Variants in HSF2 observed in about 807,000 individuals in gnomAD.
HSF2 encodes the protein heat shock factor protein 2.
HSF2 carries 21 observed loss-of-function variants against 65.0 expected under a neutral mutation model. The observed-to-expected ratio is 0.32, with a 90% CI of 0.23 to 0.47. The LOEUF (loss-of-function observed/expected upper bound fraction) is 0.47. HSF2 is among the 20% of genes least tolerant of loss of function. The probability of loss-of-function intolerance (pLI) is 1.00; values close to 1 mark genes in which losing one functional copy is unlikely to be tolerated. For synonymous variants in HSF2, 225 were observed against 219.1 expected (o/e 1.03, Z -0.24); for missense variants, 499 against 628.1 (o/e 0.79, Z 2.20).
intron 9 of HSF2, among the ~76,000 whole-genome samples, chr6:122,423,176 T>C (rs1054757119): frequency 3.3e-5 from 5 of 152,150 alleles, no homozygotes; most frequent in African/African-American, 7.2e-5. Flanking sequence ...TTTGATGATA[T>C]ACTTCCTTTG....
At chr6:122,409,835 CA>C (rs1014065670) in intron 1 of HSF2, among the ~76,000 whole-genome samples, 9 of 151,806 alleles carry the variant, frequency 5.9e-5, no homozygotes, top group Admixed American at 2.0e-4. Context: ...GTCATGTCTC[CA>C]AAAGCTTGCT....
intron 1 of HSF2, among the ~76,000 whole-genome samples, chr6:122,400,053 G>A (rs1353215801): frequency 6.6e-6 from 1 of 152,112 alleles, no homozygotes; most frequent in Non-Finnish European, 1.5e-5. Flanking sequence ...CGGTGGGGGA[G>A]GGGCGGCCCG....
chr6:122,420,341 C>A, intron 7 of HSF2, 119 bp downstream of exon 7: 1 of 637,150 alleles, frequency 1.6e-6, no homozygotes, highest in Non-Finnish European at 2.5e-6. Context: ...CATCCCACAG[C>A]TTTGTTAAAT....
At chr6:122,414,893 A>AGGCAC (rs1774088159) in intron 4 of HSF2, among the ~76,000 whole-genome samples, 1 of 152,226 alleles carries the variant, frequency 6.6e-6, no homozygotes, top group South Asian at 2.1e-4. Flanking sequence ...CTGGAATTAC[A>AGGCAC]GGCACGAGCC....
In HSF2 at chr6:122,413,615, G is replaced by GA; in HGVS notation, c.424dup (p.Thr142AsnfsTer3). On this transcript the variant is annotated frameshift_variant, in exon 4 of 13. Coordinates refer to ENST00000368455, the MANE Select transcript of HSF2 (RefSeq NM_004506.4). LOFTEE classifies it high-confidence loss of function. ...TGCTCAGAAGGTTCAGATAAAACAG[G>GA]AAACTATTGAGTCCAGGCTTTCTGA... 1 of 1,606,050 alleles carries GA rather than the reference G, an allele frequency of 6.2e-7. No individual in the cohort carries two copies. Among genetic ancestry groups the GA allele is most frequent in the Non-Finnish European group, 8.5e-7 (1 of 1,173,460 alleles).
intron 1 of HSF2, among the ~76,000 whole-genome samples, chr6:122,405,391 T>C (rs1352252332): frequency 6.6e-6 from 1 of 152,070 alleles, no homozygotes; most frequent in East Asian, 1.9e-4. Context: ...AAGCCACAGG[T>C]ATTTTCAAGA....
chr6:122,420,851 A>G (rs1247001336), intron 7 of HSF2, among the ~76,000 whole-genome samples: 1 of 150,964 alleles, frequency 6.6e-6, no homozygotes, highest in African/African-American at 2.4e-5. Flanking sequence ...AGCTGGGACT[A>G]TAGGTGTGTG....
At chr6:122,421,835 T>A (rs529604507) in intron 7 of HSF2, among the ~76,000 whole-genome samples, 1 of 152,270 alleles carries the variant, frequency 6.6e-6, no homozygotes, top group East Asian at 1.9e-4. Flanking sequence ...AAGACTTTTT[T>A]ACTCTTTAGG....
Position 122,422,745 on chromosome 6 carries a change from C to T in HSF2, c.858C>T (p.Ile286=), listed in dbSNP as rs768585042. The change falls in exon 9 of 13, where the codon ATC becomes ATT. Residue 286 remains isoleucine, a synonymous_variant. Coordinates refer to ENST00000368455, the MANE Select transcript of HSF2 (RefSeq NM_004506.4). ...SNCSQYPDIV[I]VEDDNEDEYA... The stretch of plus-strand genomic sequence containing the variant: ...GTAGCCAGTACCCTGATATTGTCAT[C>T]GTTGAAGATGACAATGAAGATGAGT... The T allele has an allele frequency of 4.2e-5, 68 of 1,613,162 alleles. No individual in the cohort carries two copies. Among genetic ancestry groups the T allele is most frequent in the East Asian group, 1.8e-4 (8 of 44,882 alleles).
chr6:122,429,121 C>T (rs1009752601), intron 11 of HSF2, among the ~76,000 whole-genome samples: 9 of 151,960 alleles, frequency 5.9e-5, no homozygotes, highest in Non-Finnish European at 1.0e-4. Flanking sequence ...GCATATGGAC[C>T]ATAAGTTTAC....
intron 1 of HSF2, among the ~76,000 whole-genome samples, chr6:122,404,464 AAGAG>A (rs1302071213): frequency 1.3e-5 from 2 of 152,202 alleles, no homozygotes; most frequent in Non-Finnish European, 2.9e-5. Flanking sequence ...AAGACTCTAA[AAGAG>A]TAGCTGGTGC....
chr6:122,423,026 C>G, intron 9 of HSF2, 69 bp downstream of exon 9: 1 of 1,545,540 alleles, frequency 6.5e-7, no homozygotes, highest in South Asian at 1.1e-5. Context: ...TTCTGTTTCT[C>G]TTTGAGTAAT....
chr6:122,419,692 T>G (rs1774193603), intron 6 of HSF2, among the ~76,000 whole-genome samples: 1 of 152,132 alleles, frequency 6.6e-6, no homozygotes, highest in South Asian at 2.1e-4. Flanking sequence ...AGCTAAAACA[T>G]TAGAAGAATA....
At chr6:122,408,508 T>C (rs759995343) in intron 1 of HSF2, among the ~76,000 whole-genome samples, 4 of 152,140 alleles carry the variant, frequency 2.6e-5, no homozygotes, top group Non-Finnish European at 5.9e-5. Context: ...GTTCATTTTC[T>C]TCCTGGATAT....
intron 1 of HSF2, among the ~76,000 whole-genome samples, chr6:122,402,149 G>A (rs1773752210): frequency 6.6e-6 from 1 of 152,178 alleles, no homozygotes; most frequent in Non-Finnish European, 1.5e-5. Flanking sequence ...CAAAAGATTG[G>A]ACACCCCTAC....
chr6:122,432,376 ACT>A lies in HSF2; in HGVS notation c.*159_*160del, dbSNP rs1188633196. 1.5e-5 allele frequency: 9 copies of A among 612,552 alleles called. No homozygotes were observed. Among genetic ancestry groups the A allele is most frequent in the Non-Finnish European group, 2.6e-5 (9 of 352,478 alleles). 37.9% of individuals were successfully genotyped at this position (612,552 alleles called of 1,614,324 possible). A position where few individuals can be genotyped will look rare whatever the true frequency, so the allele number is the denominator to read the frequency against. ...CTTTTGCTTTTCTCACTAACCACAC[ACT>A]CTTGCAGAGCTTTCAGGTGTTACTC... On this transcript the variant is annotated 3_prime_UTR_variant, in exon 13 of 13. Coordinates refer to ENST00000368455, the MANE Select transcript of HSF2 (RefSeq NM_004506.4).
chr6:122,412,124 G>A (rs1183409161), intron 1 of HSF2, among the ~76,000 whole-genome samples: 1 of 151,716 alleles, frequency 6.6e-6, no homozygotes, highest in Non-Finnish European at 1.5e-5. Context: ...TTTCACCATA[G>A]AGTGTGATGT....
chr6:122,412,059 T>G (rs887569755), intron 1 of HSF2, among the ~76,000 whole-genome samples: 7 of 151,964 alleles, frequency 4.6e-5, no homozygotes, highest in African/African-American at 9.7e-5. Context: ...TTAATTATGC[T>G]GTCTACATAA....
chr6:122,423,027 T>C (rs1774271210), intron 9 of HSF2, 70 bp downstream of exon 9: 1 of 1,544,328 alleles, frequency 6.5e-7, no homozygotes, highest in Non-Finnish European at 8.9e-7. Flanking sequence ...TCTGTTTCTC[T>C]TTGAGTAATC....
Sources: gnomAD v4.1 joint callset for allele counts (sites outside exome capture counted in the v4.1 genomes callset) on GRCh38, gnomAD v4.1.1 for gene constraint, MANE v1.5 for transcripts, NCBI Gene and HGNC (gene_info 2026-07-23, HGNC 2026-07-21) for gene names.